Variants in ZBTB25 observed in about 807,000 individuals in gnomAD.
The protein encoded by ZBTB25 is zinc finger and BTB domain containing 25.
ZBTB25 carries 20 observed loss-of-function variants against 34.2 expected under a neutral mutation model. The observed-to-expected ratio is 0.58, with a 90% confidence interval of 0.41 to 0.85. ZBTB25 has a LOEUF of 0.85. Ranked by LOEUF, ZBTB25 falls within the 40% of genes least tolerant of loss-of-function variation. The probability of loss-of-function intolerance (pLI) is 0.00; values close to 1 mark genes in which losing one functional copy is unlikely to be tolerated. For missense variants in ZBTB25, 437 were observed against 521.8 expected (o/e 0.84, Z 1.58); for synonymous variants, 175 against 186.4 (o/e 0.94, Z 0.50).
Position 64,487,484 on chromosome 14 carries a change from G to C in ZBTB25, c.747C>G (p.Ser249=). ...GGAGATGTTGCCTTAGGTTACTACG[G>C]GAATCAAAACGTTCCCCACAGTAAT... ...LCHYCGERFD[S]RSNLRQHLHT... is the part of the protein sequence containing the mutation. Residue 249 remains serine, a synonymous_variant, in exon 3 of 3, where the codon TCC becomes TCG. Coordinates refer to ENST00000608382, the MANE Select transcript of ZBTB25 (RefSeq NM_006977.5). 1 of 1,614,140 alleles carries C rather than the reference G, an allele frequency of 6.2e-7. No individual in the cohort carries two copies. Among genetic ancestry groups the C allele is most frequent in the Non-Finnish European group, 8.5e-7 (1 of 1,180,004 alleles).
intron 2 of ZBTB25, chr14:64,468,770 A>C (rs760596184): frequency 6.2e-7 from 1 of 1,614,218 alleles, no homozygotes; most frequent in South Asian, 1.1e-5. Context: ...ATCTAGACTT[A>C]AGATTCCCTG....
At chr14:64,455,978 G>C (rs2078466018) in intron 2 of ZBTB25, among the ~76,000 whole-genome samples, 2 of 152,196 alleles carry the variant, frequency 1.3e-5, no homozygotes, top group African/African-American at 4.8e-5. Context: ...ATCCCTTGTG[G>C]TAGGAATTTT....
upstream of ZBTB25, chr14:64,504,073 C>T (rs900202634): frequency 1.3e-5 from 2 of 152,344 alleles, no homozygotes; most frequent in African/African-American, 4.8e-5. Context: ...ACAGGCACCC[C>T]CTCAGTTCTG....
chr14:64,487,551 C>T lies in ZBTB25; in HGVS notation c.680G>A (p.Gly227Asp). 1 of 1,610,498 alleles carries T rather than the reference C, an allele frequency of 6.2e-7. No individual in the cohort carries two copies. The highest frequency in any genetic ancestry group is 8.5e-7 in the Non-Finnish European group (1 of 1,177,022). ...GACACTGTTTTCAGTAAAAGTGGGG[C>T]CTGTCACCTCTGATGAGGGTGAGGG... ...SHPSPSSEVT[G>D]PTFTENSVKI... Residue 227 changes from glycine (G) to aspartate (D), a missense_variant, in exon 3 of 3, where the codon GGC becomes GAC. Physicochemically the swap from Gly to Asp is moderately conservative, Grantham distance 94. Transcript: ENST00000608382.
intron 2 of ZBTB25, among the ~76,000 whole-genome samples, chr14:64,489,297 AAAC>A (rs1374795101): frequency 7.0e-6 from 1 of 142,152 alleles, no homozygotes; most frequent in Non-Finnish European, 1.6e-5. Flanking sequence ...AAAATAAAAA[AAAC>A]AAAAGTGTTA....
intron 2 of ZBTB25, among the ~76,000 whole-genome samples, chr14:64,489,513 A>G (rs1216449269): frequency 6.6e-6 from 1 of 151,808 alleles, no homozygotes; most frequent in Non-Finnish European, 1.5e-5. Context: ...TAAGCCTTCA[A>G]TAAATTTTAG....
In ZBTB25 at chr14:64,478,604, T is replaced by G. The variant is rs2141011476; in HGVS notation, c.*8319A>C. On this transcript the variant is annotated 3_prime_UTR_variant, in exon 3 of 3. Coordinates refer to ENST00000608382, the MANE Select transcript of ZBTB25 (RefSeq NM_006977.5). ...TCACAGTTAATGGCTTGGAAAAATC[T>G]TCAGAAATGCTCAATGTAGCACAAT... The G allele has an allele frequency of 6.6e-6, 1 of 152,296 alleles. No individual in the cohort carries two copies. Among genetic ancestry groups the G allele is most frequent in the African/African-American group, 2.4e-5 (1 of 41,556 alleles). 9.4% of individuals were successfully genotyped at this position (152,296 alleles called of 1,614,324 possible). A position where few individuals can be genotyped will look rare whatever the true frequency, so the allele number is the denominator to read the frequency against.
chr14:64,449,351 G>T, exon 3 of ZBTB25: 1 of 1,414,598 alleles, frequency 7.1e-7, no homozygotes. Context: ...TCGTTTATCA[G>T]TGGGTAATTC....
intron 1 of ZBTB25, 80 bp downstream of exon 1, chr14:64,503,581 G>A: frequency 1.0e-6 from 1 of 985,942 alleles, no homozygotes; most frequent in Non-Finnish European, 1.2e-6. Flanking sequence ...TGGTGCAGCT[G>A]CAGGCCGCCG....
intron 2 of ZBTB25, among the ~76,000 whole-genome samples, chr14:64,465,822 G>C (rs2078607228): frequency 6.6e-6 from 1 of 152,198 alleles, no homozygotes; most frequent in South Asian, 2.1e-4. Context: ...TATCCCCTTC[G>C]CGTTACAGCT....
At position 64,482,731 on chromosome 14, in the gene ZBTB25, A is replaced by G. The variant is rs1364303808; in HGVS notation, c.*4192T>C. The G allele has an allele frequency of 6.6e-6, 1 of 152,268 alleles. No individual in the cohort carries two copies. Among genetic ancestry groups the G allele is most frequent in the East Asian group, 1.9e-4 (1 of 5,208 alleles). The allele number at this position is 152,268 out of a possible 1,614,324, so 9.4% of individuals were successfully genotyped here. A position where few individuals can be genotyped will look rare whatever the true frequency, so the allele number is the denominator to read the frequency against. On this transcript the variant is annotated 3_prime_UTR_variant, in exon 3 of 3. Transcript: ENST00000608382. ...AATTAGTTATTGAATATTAGATAGT[A>G]CATTACTGCTTTTAAGAACATTTTA...
intron 1 of ZBTB25, among the ~76,000 whole-genome samples, chr14:64,495,802 C>T (rs903842814): frequency 6.6e-6 from 1 of 151,718 alleles, no homozygotes; most frequent in Non-Finnish European, 1.5e-5. Context: ...ACTAAAAATA[C>T]AAAATTAGCG....
intron 2 of ZBTB25, chr14:64,460,122 C>T: frequency 3.4e-6 from 2 of 585,196 alleles, no homozygotes; most frequent in Admixed American, 5.9e-5. Context: ...TTGCAGTGTG[C>T]CCTTTATGAT....
At position 64,478,472 on chromosome 14, in the gene ZBTB25, A is replaced by G. The variant is rs375814988; in HGVS notation, c.*8451T>C. 29 of 152,330 alleles carry G rather than the reference A, an allele frequency of 1.9e-4. No homozygotes were observed. Among genetic ancestry groups the G allele is most frequent in the African/African-American group, 6.3e-4 (26 of 41,578 alleles). The allele number at this position is 152,330 out of a possible 1,614,324, so 9.4% of individuals were successfully genotyped here. A position where few individuals can be genotyped will look rare whatever the true frequency, so the allele number is the denominator to read the frequency against. ...AAAAATGAACAAAAGGCAAGAAAGG[A>G]GCAAGGGAGCGTATTTACTCAAATG... On this transcript the variant is annotated 3_prime_UTR_variant, in exon 3 of 3. Coordinates refer to ENST00000608382, the MANE Select transcript of ZBTB25 (RefSeq NM_006977.5).
intron 2 of ZBTB25, among the ~76,000 whole-genome samples, chr14:64,457,025 A>T (rs967335422): frequency 6.6e-6 from 1 of 152,218 alleles, no homozygotes; most frequent in African/African-American, 2.4e-5. Flanking sequence ...AATTTGTCAA[A>T]GCCGAGTCTT....
intron 2 of ZBTB25, chr14:64,470,188 C>T (rs946498379): frequency 4.8e-5 from 8 of 167,206 alleles, no homozygotes; most frequent in African/African-American, 2.4e-5. Context: ...TCCTAAGCAG[C>T]AGGCTTAACT....
At chr14:64,497,870 A>G (rs992170966) in intron 1 of ZBTB25, among the ~76,000 whole-genome samples, 3 of 152,232 alleles carry the variant, frequency 2.0e-5, no homozygotes, top group Non-Finnish European at 4.4e-5. Flanking sequence ...AAAGGAACAA[A>G]AAGAGCAAGA....
chr14:64,487,404 C>T lies in ZBTB25; in HGVS notation c.827G>A (p.Ser276Asn), dbSNP rs1447669640. Residue 276 changes from serine (S) to asparagine (N), a missense_variant, in exon 3 of 3, where the codon AGT becomes AAT. By Grantham distance (46) the Ser-to-Asn change is conservative (BLOSUM62 1). Coordinates refer to ENST00000608382, the MANE Select transcript of ZBTB25 (RefSeq NM_006977.5). ...GGGATGCACTTCACCAAGGTCATTA[C>T]TTTCCAGAATGGAAGCAGGGACACC... ...PFGVPASILE[S>N]NDLGEVHPLN... is the part of the protein sequence containing the mutation. 2 of 1,614,222 alleles carry T rather than the reference C, an allele frequency of 1.2e-6. No homozygotes were observed. The highest frequency in any genetic ancestry group is 1.3e-5 in the African/African-American group (1 of 75,052).
At chr14:64,502,891 C>G in intron 1 of ZBTB25, 1 of 985,308 alleles carries the variant, frequency 1.0e-6, no homozygotes, top group Non-Finnish European at 1.2e-6. Context: ...CCAAAGTGTA[C>G]TTTACATACA....
Sources: gnomAD v4.1 joint callset for allele counts (sites outside exome capture counted in the v4.1 genomes callset) on GRCh38, gnomAD v4.1.1 for gene constraint, MANE v1.5 for transcripts, NCBI Gene and HGNC (gene_info 2026-07-23, HGNC 2026-07-21) for gene names.